The following STIM1 variants were observed in gnomAD, a reference collection of about 807,000 sequenced individuals.
STIM1 encodes stromal interaction molecule 1.
In STIM1, 25 loss-of-function variants were observed where a neutral mutation model predicts 74.7. The ratio of observed to expected loss-of-function variants is 0.33; its 90% CI spans 0.24 to 0.47. The LOEUF is 0.47. Among genes scored for constraint, STIM1 ranks in the 20% least tolerant of loss-of-function variants. The probability of loss-of-function intolerance (pLI) is 1.00; values close to 1 mark genes in which losing one functional copy is unlikely to be tolerated. For missense variants in STIM1, 728 were observed against 920.8 expected (o/e 0.79, Z 2.71); for synonymous variants, 328 against 348.8 (o/e 0.94, Z 0.66).
chr11:3,948,827 C>T (rs1303870377), intron 1 of STIM1, among the ~76,000 whole-genome samples: 1 of 152,170 alleles, frequency 6.6e-6, no homozygotes, highest in East Asian at 1.9e-4. Context: ...CCTTAGATCC[C>T]TTAATTCTCT....
At chr11:4,035,516 AT>A (rs1290890290) in intron 3 of STIM1, among the ~76,000 whole-genome samples, 2 of 151,978 alleles carry the variant, frequency 1.3e-5, no homozygotes, top group Non-Finnish European at 2.9e-5. Context: ...ATTATATTGG[AT>A]GAAATGTTGT....
In STIM1 at chr11:4,091,896, G is replaced by T; in HGVS notation, c.*98G>T. 1 of 1,521,820 alleles carries T rather than the reference G, an allele frequency of 6.6e-7. No individual in the cohort carries two copies. Among genetic ancestry groups the T allele is most frequent in the East Asian group, 2.3e-5 (1 of 42,954 alleles). The allele number at this position is 1,521,820 out of a possible 1,614,324, so 94.3% of individuals were successfully genotyped here. The stretch of plus-strand genomic sequence containing the variant: ...TCAAGATAACTGGCCCCAAGAGTGG[G>T]GCATGGGAAGGGCTGGTCCAGGGGT... On this transcript the variant is annotated 3_prime_UTR_variant, in exon 13 of 13. Transcript: ENST00000526596.
intron 1 of STIM1, among the ~76,000 whole-genome samples, chr11:3,949,960 C>T (rs1294468015): frequency 6.6e-6 from 1 of 152,162 alleles, no homozygotes; most frequent in Non-Finnish European, 1.5e-5. Flanking sequence ...AACCCCATTC[C>T]TCATTCCTAA....
intron 1 of STIM1, among the ~76,000 whole-genome samples, chr11:3,932,560 T>G (rs10835320): frequency 0.36 from 53,806 of 149,334 alleles, 9,803 homozygotes; most frequent in South Asian, 0.5. Flanking sequence ...TACTTGGGAG[T>G]CTGAGGCAGG....
intron 3 of STIM1, among the ~76,000 whole-genome samples, chr11:4,039,599 A>C (rs1181149377): frequency 6.6e-6 from 1 of 151,446 alleles, no homozygotes; most frequent in East Asian, 1.9e-4. Context: ...AAAAAAAAAA[A>C]AAAAAACGAA....
intron 2 of STIM1, among the ~76,000 whole-genome samples, chr11:3,999,085 C>T (rs188108743): frequency 2.2e-4 from 33 of 152,320 alleles, no homozygotes; most frequent in Non-Finnish European, 2.8e-4. Flanking sequence ...GTGGCTTATG[C>T]CTGCAATCCC....
chr11:3,944,115 T>C (rs951627705), intron 1 of STIM1, among the ~76,000 whole-genome samples: 4 of 152,250 alleles, frequency 2.6e-5, no homozygotes, highest in African/African-American at 9.6e-5. Context: ...TTTCTCTCTT[T>C]TTTAGGAACT....
intron 3 of STIM1, among the ~76,000 whole-genome samples, chr11:4,028,640 C>CT (rs1436150081): frequency 6.6e-6 from 1 of 151,204 alleles, no homozygotes; most frequent in Non-Finnish European, 1.5e-5. Flanking sequence ...GAACTCCTGA[C>CT]TATAGGTGAT....
At chr11:4,016,616 G>A (rs1313925746) in intron 2 of STIM1, among the ~76,000 whole-genome samples, 2 of 152,280 alleles carry the variant, frequency 1.3e-5, no homozygotes, top group African/African-American at 2.4e-5. Context: ...GTCTGCAGAA[G>A]CTGTCTGCTG....
intron 2 of STIM1, among the ~76,000 whole-genome samples, chr11:3,991,974 A>AAAAAAAAAAAAAAAAAAAG (rs2093617447): frequency 4.5e-4 from 20 of 44,478 alleles, no homozygotes; most frequent in Admixed American, 7.8e-4. Flanking sequence ...AAAAAAAAAG[A>AAAAAAAAAAAAAAAAAAAG]AAAAAAAAAA....
intron 1 of STIM1, among the ~76,000 whole-genome samples, chr11:3,886,774 C>T (rs577973274): frequency 6.7e-6 from 1 of 148,878 alleles, no homozygotes; most frequent in East Asian, 2.0e-4. Flanking sequence ...GAGGCCGAGG[C>T]GGGCGGATTA....
intron 2 of STIM1, among the ~76,000 whole-genome samples, chr11:3,996,247 C>T (rs1344809660): frequency 6.6e-6 from 1 of 152,134 alleles, no homozygotes; most frequent in Non-Finnish European, 1.5e-5. Context: ...GACACCACCA[C>T]TTTAGGAGCT....
At chr11:3,926,767 A>T (rs763575587) in intron 1 of STIM1, among the ~76,000 whole-genome samples, 9 of 152,198 alleles carry the variant, frequency 5.9e-5, no homozygotes, top group Admixed American at 2.0e-4. Context: ...TAACCTTAGG[A>T]TGGAGGATAG....
chr11:3,970,182 A>C (rs2093378679), intron 2 of STIM1, among the ~76,000 whole-genome samples: 1 of 151,918 alleles, frequency 6.6e-6, no homozygotes, highest in Non-Finnish European at 1.5e-5. Context: ...TCATCAGCAC[A>C]AACTGTTCCG....
At chr11:4,086,689 TCCATCACCA>T in intron 12 of STIM1, 146 bp downstream of exon 12, 1 of 1,541,200 alleles carries the variant, frequency 6.5e-7, no homozygotes. Context: ...TTGCTCCTCT[TCCATCACCA>T]CCATCACCAC....
chr11:4,030,393 CA>C (rs531682268), intron 3 of STIM1, among the ~76,000 whole-genome samples: 2 of 151,708 alleles, frequency 1.3e-5, no homozygotes, highest in South Asian at 4.2e-4. Flanking sequence ...TCTGTTGACA[CA>C]ACACAGGGAG....
In STIM1 at chr11:4,086,929, C is replaced by T. The variant is rs2133243467; in HGVS notation, c.1634+386C>T. On this transcript the variant is annotated intron_variant, in intron 12 of 12. Transcript: ENST00000526596. ...CTGCTGCTTTTACCTTGGTTTCTGC[C>T]TGCCAGCTGCTGCTTGATCAACTCT... is the stretch of plus-strand genomic sequence containing the variant. 6 of 1,483,720 alleles carry T rather than the reference C, an allele frequency of 4.0e-6. 1 individual carries two copies. The South Asian group carries it at 8.1e-5, about 20-fold the overall frequency. 91.9% of individuals were successfully genotyped at this position (1,483,720 alleles called of 1,614,324 possible).
rs574154920 is a variant in STIM1 at position 3,897,080 on chromosome 11, A to G, written c.139+40671A>G. On this transcript the variant is annotated intron_variant, in intron 1 of 12. Transcript: ENST00000526596. Reference sequence around the variant, plus strand: ...GCTCTCTTAGGGCCTGTTATTGTCAATAAAGTAGAGGTTTTGTCTAGAGTG... The same window carrying G: ...GCTCTCTTAGGGCCTGTTATTGTCAGTAAAGTAGAGGTTTTGTCTAGAGTG... Among the ~76,000 whole-genome samples, 3 of 152,344 alleles carry G rather than the reference A, an allele frequency of 2.0e-5. No homozygotes were observed. The East Asian group carries it at 5.8e-4, about 29-fold the overall frequency.
chr11:4,000,171 A>C (rs1188218744), intron 2 of STIM1, among the ~76,000 whole-genome samples: 2 of 148,552 alleles, frequency 1.3e-5, no homozygotes, highest in Non-Finnish European at 3.0e-5. Context: ...CAGACAAACA[A>C]AAAGACAGCA....
Sources: gnomAD v4.1 joint callset for allele counts (sites outside exome capture counted in the v4.1 genomes callset) on GRCh38, gnomAD v4.1.1 for gene constraint, MANE v1.5 for transcripts, NCBI Gene and HGNC (gene_info 2026-07-23, HGNC 2026-07-21) for gene names.